Variants in TM9SF4 observed in about 807,000 individuals in gnomAD.
TM9SF4 encodes the protein transmembrane 9 superfamily member 4.
TM9SF4 carries 26 observed loss-of-function variants against 90.4 expected under a neutral mutation model. That is an observed-to-expected ratio of 0.29 (90% CI 0.21 to 0.40). The LOEUF (loss-of-function observed/expected upper bound fraction) is 0.40, where lower values mean the gene tolerates loss of function less well. Ranked by LOEUF, TM9SF4 falls within the 10% of genes least tolerant of loss-of-function variation. The pLI, the probability that TM9SF4 is intolerant of heterozygous loss-of-function variation, is 1.00. For synonymous variants in TM9SF4, 293 were observed against 315.4 expected (o/e 0.93, Z 0.75); for missense variants, 549 against 834.8 (o/e 0.66, Z 4.22).
intron 1 of TM9SF4, among the ~76,000 whole-genome samples, chr20:32,120,330 A>G (rs1253164967): frequency 6.6e-6 from 1 of 150,816 alleles, no homozygotes; most frequent in African/African-American, 2.4e-5. Context: ...AGAATTTTCA[A>G]TATACAAGTC....
intron 1 of TM9SF4, among the ~76,000 whole-genome samples, chr20:32,123,715 A>AAG (rs2046369902): frequency 6.6e-6 from 1 of 150,444 alleles, no homozygotes; most frequent in African/African-American, 2.4e-5. Context: ...ACTTTCCATG[A>AAG]AGATTATTTA....
Position 32,143,111 on chromosome 20 carries a change from T to TG in TM9SF4, c.652+10dup. The TG allele has an allele frequency of 6.2e-7, 1 of 1,611,622 alleles. No individual in the cohort carries two copies. The highest frequency in any genetic ancestry group is 8.5e-7 in the Non-Finnish European group (1 of 1,178,742). ...CCAGAGCATCAGGCTGGAGGGTGAG[T>TG]GGGGAGGTGTGGCCGGAGGGGCAGG... On this transcript the variant is annotated splice_region_variant and intron_variant, in intron 6 of 17. Transcript: ENST00000398022.
intron 1 of TM9SF4, among the ~76,000 whole-genome samples, chr20:32,132,087 T>TA (rs2046524708): frequency 6.6e-6 from 1 of 152,178 alleles, no homozygotes; most frequent in South Asian, 2.1e-4. Context: ...GAGGAAGTGA[T>TA]ATTTGAGAGA....
intron 3 of TM9SF4, among the ~76,000 whole-genome samples, chr20:32,141,218 A>AG (rs1569080337): frequency 2.3e-5 from 3 of 131,432 alleles, no homozygotes; most frequent in Non-Finnish European, 5.2e-5. Context: ...CTCCATCTCA[A>AG]AAAAAAAAAA....
intron 1 of TM9SF4, among the ~76,000 whole-genome samples, chr20:32,130,231 C>T (rs1206872645): frequency 6.6e-6 from 1 of 152,166 alleles, no homozygotes; most frequent in African/African-American, 2.4e-5. Context: ...CGAAAATATC[C>T]TTTGCTGTTT....
chr20:32,145,080 GTC>G lies in TM9SF4; in HGVS notation c.653-4_653-3del. 6.2e-7 allele frequency: 1 copy of G among 1,613,328 alleles called. No individual in the cohort carries two copies. The highest frequency in any genetic ancestry group is 2.2e-5 in the East Asian group (1 of 44,884). On this transcript the variant is annotated splice_polypyrimidine_tract_variant and intron_variant, in intron 6 of 17. Coordinates refer to ENST00000398022, the MANE Select transcript of TM9SF4 (RefSeq NM_014742.4). Reference sequence around the variant, plus strand: ...CACCACAGGAACAGACTGAGTCTGTGTCTCTCTCAGACCTCAAAGCAGATGAG... The same window carrying G: ...CACCACAGGAACAGACTGAGTCTGTGTCTCTCAGACCTCAAAGCAGATGAG...
chr20:32,139,462 C>G (rs1236507976), intron 3 of TM9SF4, among the ~76,000 whole-genome samples: 2 of 152,168 alleles, frequency 1.3e-5, no homozygotes, highest in Non-Finnish European at 2.9e-5. Flanking sequence ...CTCCTTGGAG[C>G]TCCTGAATCT....
rs142083147 is a variant in TM9SF4 at position 32,138,622 on chromosome 20, G to A, written c.229+2449G>A. ...CAGTGAGCTGAGATTGCGCCATTGC[G>A]CTCCAGCCTGAGCAACAGAGCAAGA... On this transcript the variant is annotated intron_variant, in intron 3 of 17. Transcript: ENST00000398022. Among the ~76,000 whole-genome samples the A allele has an allele frequency of 7.8e-3, 1,194 of 152,298 alleles. 10 individuals are homozygous for A. Among genetic ancestry groups the A allele is most frequent in the Non-Finnish European group, 1.0e-2 (680 of 68,022 alleles).
At position 32,109,719 on chromosome 20, in the gene TM9SF4, T is replaced by C. The variant is rs914092101; in HGVS notation, c.-22T>C. ...GGAGCACCACTTCCGCTGACGTCAT[T>C]ACGGCGACACGTGGATCCAAGATGG... On this transcript the variant is annotated 5_prime_UTR_variant, in exon 1 of 18. Transcript: ENST00000398022. The C allele has an allele frequency of 1.4e-5, 21 of 1,551,498 alleles. No homozygotes were observed. In the African/African-American group the frequency reaches 2.2e-4, roughly 16 times the overall value.
Position 32,128,790 on chromosome 20 carries a change from C to CTGTGTGTGTGTGTGTGTGTGTG in TM9SF4, c.16-4207_16-4186dup, listed in dbSNP as rs55977888. Among the ~76,000 whole-genome samples the CTGTGTGTGTGTGTGTGTGTGTG allele has an allele frequency of 4.1e-5, 6 of 145,368 alleles. No homozygotes were observed. In the East Asian group the frequency reaches 6.1e-4, roughly 15 times the overall value. ...TTTTATGGCTGAAGAGTATTCCATT[C>CTGTGTGTGTGTGTGTGTGTGTG]TGTGTGTGTGTGTGTGTGTGTGTGT... On this transcript the variant is annotated intron_variant, in intron 1 of 17. Transcript: ENST00000398022.
At position 32,149,668 on chromosome 20, in the gene TM9SF4, T is replaced by C. The variant is rs1170581937; in HGVS notation, c.989T>C (p.Val330Ala). ...ATGGAGGAGTCTGGGTGGAAGTTGG[T>C]GCACGGCGACGTCTTCAGGCCCCCC... ...DTMEESGWKL[V>A]HGDVFRPPQY... is the part of the protein sequence containing the mutation. Residue 330 changes from valine (V) to alanine (A), a missense_variant, in exon 10 of 18, where the codon GTG (valine) becomes GCG (alanine). Physicochemically the swap from Val to Ala is moderately conservative, Grantham distance 64. Around this residue, in one of 2 missense-constraint regions of TM9SF4, gnomAD observed 495 missense variants for 711.7 expected, o/e 0.70. Coordinates refer to ENST00000398022, the MANE Select transcript of TM9SF4 (RefSeq NM_014742.4). The C allele has an allele frequency of 1.2e-6, 2 of 1,614,190 alleles. No homozygotes were observed. Among genetic ancestry groups the C allele is most frequent in the East Asian group, 2.2e-5 (1 of 44,882 alleles).
At chr20:32,112,172 G>A (rs978471592) in intron 1 of TM9SF4, among the ~76,000 whole-genome samples, 2 of 152,196 alleles carry the variant, frequency 1.3e-5, no homozygotes, top group Non-Finnish European at 2.9e-5. Context: ...CACTCTGGGA[G>A]ACCAAAGCTG....
At chr20:32,146,423 C>T (rs550253844) in intron 8 of TM9SF4, among the ~76,000 whole-genome samples, 1 of 152,146 alleles carries the variant, frequency 6.6e-6, no homozygotes, top group Admixed American at 6.5e-5. Flanking sequence ...CATAGTGAGG[C>T]CAGGAGCCAA....
At chr20:32,155,586 G>A (rs2046907383) in intron 13 of TM9SF4, among the ~76,000 whole-genome samples, 1 of 152,238 alleles carries the variant, frequency 6.6e-6, no homozygotes, top group South Asian at 2.1e-4. Flanking sequence ...GCAGGTGGAG[G>A]AGAGAGGAAA....
chr20:32,144,984 A>G, intron 6 of TM9SF4, 107 bp from the exon 7 acceptor site: 1 of 941,080 alleles, frequency 1.1e-6, no homozygotes, highest in Non-Finnish European at 1.7e-6. Flanking sequence ...CTCCCACCCT[A>G]GAGGCTGGGT....
At chr20:32,160,973 AAAAAG>A in intron 16 of TM9SF4, 2 of 179,512 alleles carry the variant, frequency 1.1e-5, no homozygotes, top group Non-Finnish European at 2.3e-5. Context: ...AAAAAAAAAA[AAAAAG>A]AATAGTGCCT....
At position 32,160,059 on chromosome 20, in the gene TM9SF4, T is replaced by C; in HGVS notation, c.1637T>C (p.Val546Ala). 6.2e-7 allele frequency: 1 copy of C among 1,614,246 alleles called. No individual in the cohort carries two copies. Among genetic ancestry groups the C allele is most frequent in the Non-Finnish European group, 8.5e-7 (1 of 1,180,050 alleles). Reference sequence around the variant, plus strand: ...TTCCTTGTTTTCATCATCCTGGTGGTATCCTGTTCACAAATCAGCATCGTC... The same window carrying C: ...TTCCTTGTTTTCATCATCCTGGTGGCATCCTGTTCACAAATCAGCATCGTC... ...FLFLVFIILVVSCSQISIVMV... is the reference protein window; with the variant it reads ...FLFLVFIILVASCSQISIVMV... The change falls in exon 16 of 18, where the codon GTA becomes GCA. Residue 546 changes from valine to alanine, a missense_variant. Coordinates refer to ENST00000398022, the MANE Select transcript of TM9SF4 (RefSeq NM_014742.4).
In TM9SF4 at chr20:32,127,864, T is replaced by G. The variant is rs567565443; in HGVS notation, c.16-5149T>G. On this transcript the variant is annotated intron_variant, in intron 1 of 17. Transcript: ENST00000398022. ...TAATTGGCTTGATAACCAGAGGAGA[T>G]TGTGATCCCCTGCACTGGTTTCAAA... Among the ~76,000 whole-genome samples, 3 of 152,276 alleles carry G rather than the reference T, an allele frequency of 2.0e-5. No homozygotes were observed. In the South Asian group the frequency reaches 6.2e-4, roughly 32 times the overall value.
chr20:32,109,954 C>G lies in TM9SF4; in HGVS notation c.15+199C>G, dbSNP rs573873011. On this transcript the variant is annotated intron_variant, in intron 1 of 17. Transcript: ENST00000398022. Reference sequence around the variant, plus strand: ...CCTGCACTCAGGCTTGTGAAGGCCCCGAGTTTTGGGGGAGGCGCCGTTTCG... The same window carrying G: ...CCTGCACTCAGGCTTGTGAAGGCCCGGAGTTTTGGGGGAGGCGCCGTTTCG... 901 of 1,413,506 alleles carry G rather than the reference C, an allele frequency of 6.4e-4. 1 individual carries two copies. Among genetic ancestry groups the G allele is most frequent in the Non-Finnish European group, 7.7e-4 (834 of 1,084,740 alleles). 87.6% of individuals were successfully genotyped at this position (1,413,506 alleles called of 1,614,324 possible). A position where few individuals can be genotyped will look rare whatever the true frequency, so the allele number is the denominator to read the frequency against.
Sources: gnomAD v4.1 joint callset for allele counts (sites outside exome capture counted in the v4.1 genomes callset) on GRCh38, gnomAD v4.1.1 for gene constraint, gnomAD v4.1.1 regional missense constraint, MANE v1.5 for transcripts, NCBI Gene and HGNC (gene_info 2026-07-23, HGNC 2026-07-21) for gene names.